The following AP3B2 variants were observed in gnomAD, a reference collection of about 807,000 sequenced individuals.
The protein encoded by AP3B2 is AP-3 complex subunit beta-2.
In AP3B2, 50 loss-of-function variants were observed where a neutral mutation model predicts 126.9. The ratio of observed to expected loss-of-function variants is 0.39; its 90% confidence interval spans 0.31 to 0.50. The LOEUF is 0.50. Among genes scored for constraint, AP3B2 ranks in the 20% least tolerant of loss-of-function variants. AP3B2 has a pLI of 0.79. For missense variants in AP3B2, 1,177 were observed against 1,426.4 expected (o/e 0.83, Z 2.82); for synonymous variants, 541 against 565.0 (o/e 0.96, Z 0.60).
rs1300395907 is a variant in AP3B2, at chr15:82,676,587, C to A, written c.1539G>T (p.Glu513Asp). The change falls in exon 14 of 27, where the codon GAG (glutamate) becomes GAT (aspartate). Residue 513 changes from glutamate to aspartate, a missense_variant. Around this residue, in one of 5 missense-constraint regions of AP3B2, gnomAD observed 308 missense variants for 452.4 expected, o/e 0.68. Transcript: ENST00000535359. ...SILWLIGEYC[E>D]HVPRIAPDVL... The stretch of plus-strand genomic sequence containing the variant: ...CATCAGGTGCAATCCTGGGGACATG[C>A]TCACAGTACTCTCCGATGAGCCACA... 1 of 1,613,866 alleles carries A rather than the reference C, an allele frequency of 6.2e-7. No individual in the cohort carries two copies. The highest frequency in any genetic ancestry group is 1.3e-5 in the African/African-American group (1 of 74,896).
chr15:82,681,192 C>G lies in AP3B2; in HGVS notation c.522-14G>C. On this transcript the variant is annotated splice_polypyrimidine_tract_variant and intron_variant, in intron 5 of 26. Transcript: ENST00000535359. The surrounding 1 kb of genome is among the most constrained non-coding windows in gnomAD (Gnocchi z 4.0). ...TCAGAGTCCAAACTGAGGGAGAAAT[C>G]GGTGAGGGGAATTTGCCACTCTCAG... The G allele has an allele frequency of 6.2e-7, 1 of 1,607,020 alleles. No individual in the cohort carries two copies. Among genetic ancestry groups the G allele is most frequent in the Non-Finnish European group, 8.5e-7 (1 of 1,176,790 alleles).
chr15:82,675,135 TCCCTCTAACTTCTCTCTCTCC>T (rs1024179360), intron 14 of AP3B2, among the ~76,000 whole-genome samples: 13 of 152,268 alleles, frequency 8.5e-5, no homozygotes, highest in African/African-American at 3.1e-4. Flanking sequence ...GTGCTCTTTC[TCCCTCTAACTTCTCTCTCTCC>T]CCCTCTAACT....
At position 82,680,999 on chromosome 15, in the gene AP3B2, C is replaced by G. The variant is rs754927794; in HGVS notation, c.609G>C (p.Val203=). ...DKTTLVAGSV[V]MAFEEVCPER... is the part of the protein sequence containing the mutation. ...CCGGGCAGACCTCCTCAAAGGCCAT[C>G]ACCACACTGCCCGCCACCAGCTGGG... is the stretch of plus-strand genomic sequence containing the variant. Residue 203 remains valine, a synonymous_variant, in exon 7 of 27, where the codon GTG becomes GTC. Transcript: ENST00000535359. The surrounding 1 kb of genome is among the most constrained non-coding windows in gnomAD (Gnocchi z 6.1). 1.9e-6 allele frequency: 3 copies of G among 1,613,886 alleles called. No homozygotes were observed. Among genetic ancestry groups the G allele is most frequent in the Non-Finnish European group, 2.5e-6 (3 of 1,179,890 alleles).
intron 14 of AP3B2, among the ~76,000 whole-genome samples, chr15:82,672,496 A>G (rs781036929): frequency 6.6e-6 from 1 of 152,140 alleles, no homozygotes; most frequent in Non-Finnish European, 1.5e-5. Context: ...GGGATAGTTA[A>G]TGGGTACAAA....
Position 82,680,808 on chromosome 15 carries a change from C to T in AP3B2, c.771+29G>A. 6.2e-7 allele frequency: 1 copy of T among 1,611,444 alleles called. No individual in the cohort carries two copies. Among genetic ancestry groups the T allele is most frequent in the Non-Finnish European group, 8.5e-7 (1 of 1,178,718 alleles). ...GGCGCCTCCCCGGGACACACTTCGGCCCGCTCTGCCTGGGCTGGGCCCACT... is the reference window on the plus strand; with the variant it reads ...GGCGCCTCCCCGGGACACACTTCGGTCCGCTCTGCCTGGGCTGGGCCCACT... On this transcript the variant is annotated intron_variant, in intron 7 of 26. Coordinates refer to ENST00000535359, the MANE Select transcript of AP3B2 (RefSeq NM_001278512.2). The surrounding 1 kb of genome is among the most constrained non-coding windows in gnomAD (Gnocchi z 6.1).
At position 82,680,877 on chromosome 15, in the gene AP3B2, G is replaced by T; in HGVS notation, c.731C>A (p.Thr244Asn). Residue 244 changes from threonine (T) to asparagine (N), a missense_variant, in exon 7 of 27, where the codon ACC becomes AAC. Around this residue, in one of 5 missense-constraint regions of AP3B2, gnomAD observed 103 missense variants for 101.4 expected, o/e 1.02. Coordinates refer to ENST00000535359, the MANE Select transcript of AP3B2 (RefSeq NM_001278512.2). This position sits in a 1 kb window ranked among gnomAD's most constrained non-coding sequence, Gnocchi z 6.1. ...CAGGAACTGCGTGCGGGCGTAGCGG[G>T]TGAGCATGCTGATGATGACCACCTG... Reference protein sequence around the residue: ...WGQVVIISMLTRYARTQFLSP... With the variant: ...WGQVVIISMLNRYARTQFLSP... The T allele has an allele frequency of 6.2e-7, 1 of 1,613,878 alleles. No individual in the cohort carries two copies. Among genetic ancestry groups the T allele is most frequent in the African/African-American group, 1.3e-5 (1 of 75,022 alleles).
Position 82,681,608 on chromosome 15 carries a change from T to C in AP3B2, c.361-28A>G, listed in dbSNP as rs555526647. ...AAAGGCAGAGGTGGAGGCAGAGCTA[T>C]GAAAGGGCACCAGGTGCCCTGATGG... is the stretch of plus-strand genomic sequence containing the variant. On this transcript the variant is annotated intron_variant, in intron 4 of 26. Transcript: ENST00000535359. This position sits in a 1 kb window ranked among gnomAD's most constrained non-coding sequence, Gnocchi z 4.0. 6.2e-7 allele frequency: 1 copy of C among 1,606,382 alleles called. No homozygotes were observed. The highest frequency in any genetic ancestry group is 1.3e-5 in the African/African-American group (1 of 74,998).
chr15:82,693,902 T>C (rs889964705), intron 1 of AP3B2, among the ~76,000 whole-genome samples: 1 of 152,084 alleles, frequency 6.6e-6, no homozygotes. Context: ...GGTTTCTCCA[T>C]GTTGGTCAGG....
chr15:82,666,029 T>G (rs1019379916), intron 15 of AP3B2, among the ~76,000 whole-genome samples: 8 of 152,192 alleles, frequency 5.3e-5, no homozygotes, highest in African/African-American at 1.9e-4. Flanking sequence ...TGTTGCCTTC[T>G]TCCTGGGAGA....
chr15:82,667,537 G>A (rs982369300), intron 14 of AP3B2, among the ~76,000 whole-genome samples: 1 of 152,196 alleles, frequency 6.6e-6, no homozygotes, highest in African/African-American at 2.4e-5. Context: ...GGTCATGTAG[G>A]GTTCACAGTC....
chr15:82,681,121 G>C lies in AP3B2; in HGVS notation c.579C>G (p.Asp193Glu). ...GCCCCTATACACGCACCGTGGTCTT[G>C]TCAGCCAGAAGCTTCTCAATGACTT... Reference protein sequence around the residue: ...LIEVIEKLLADKTTLVAGSVV... With the variant: ...LIEVIEKLLAEKTTLVAGSVV... Residue 193 changes from aspartate (D) to glutamate (E), a missense_variant, in exon 6 of 27, where the codon GAC (aspartate) becomes GAG (glutamate). Physicochemically the swap from Asp to Glu is conservative, Grantham distance 45. This residue lies in a region of AP3B2 where 130 missense variants were observed against 262.0 expected (regional missense o/e 0.50). Transcript: ENST00000535359. This position sits in a 1 kb window ranked among gnomAD's most constrained non-coding sequence, Gnocchi z 4.0. 1 of 1,613,492 alleles carries C rather than the reference G, an allele frequency of 6.2e-7. No individual in the cohort carries two copies. The highest frequency in any genetic ancestry group is 8.5e-7 in the Non-Finnish European group (1 of 1,179,708).
chr15:82,676,881 G>A (rs896186669), intron 13 of AP3B2, among the ~76,000 whole-genome samples: 1 of 152,204 alleles, frequency 6.6e-6, no homozygotes, highest in Non-Finnish European at 1.5e-5. Flanking sequence ...AGTCAGTCAT[G>A]ATGTAAAAGA....
In AP3B2 at chr15:82,662,731, C is replaced by T. The variant is rs2047974210; in HGVS notation, c.2796G>A (p.Leu932=). 2 of 1,613,684 alleles carry T rather than the reference C, an allele frequency of 1.2e-6. No individual in the cohort carries two copies. Among genetic ancestry groups the T allele is most frequent in the African/African-American group, 1.3e-5 (1 of 74,926 alleles). ...IKGLHVGTPK[L]PAGISIQEFP... Reference sequence around the variant, plus strand: ...ATTCTTGGATGCTGATGCCAGCAGGCAGTTTGGGAGTGCCCACATGCAGGC... The same window carrying T: ...ATTCTTGGATGCTGATGCCAGCAGGTAGTTTGGGAGTGCCCACATGCAGGC... Residue 932 remains leucine, a synonymous_variant, in exon 23 of 27, where the codon CTG becomes CTA. Coordinates refer to ENST00000535359, the MANE Select transcript of AP3B2 (RefSeq NM_001278512.2).
Position 82,681,207 on chromosome 15 carries a change from G to A in AP3B2, c.522-29C>T. 1 of 1,595,802 alleles carries A rather than the reference G, an allele frequency of 6.3e-7. No individual in the cohort carries two copies. Among genetic ancestry groups the A allele is most frequent in the Non-Finnish European group, 8.5e-7 (1 of 1,171,026 alleles). ...AGGGAGAAATCGGTGAGGGGAATTT[G>A]CCACTCTCAGCCCCAGCCTTCCCAA... On this transcript the variant is annotated intron_variant, in intron 5 of 26. Transcript: ENST00000535359. The surrounding 1 kb of genome is among the most constrained non-coding windows in gnomAD (Gnocchi z 4.0).
intron 1 of AP3B2, chr15:82,699,778 G>A: frequency 2.5e-6 from 1 of 399,296 alleles, no homozygotes; most frequent in East Asian, 3.6e-5. Context: ...CCCACCTTCG[G>A]GAGCCAGCAC....
chr15:82,679,341 C>T (rs1008680246), intron 10 of AP3B2, among the ~76,000 whole-genome samples: 2 of 152,164 alleles, frequency 1.3e-5, no homozygotes, highest in Admixed American at 6.5e-5. Flanking sequence ...CCAGGCTGGT[C>T]TTGAACTCCT....
chr15:82,679,645 C>T (rs1410297059), intron 10 of AP3B2, 84 bp downstream of exon 10: 2 of 1,302,990 alleles, frequency 1.5e-6, no homozygotes, highest in African/African-American at 1.5e-5. Flanking sequence ...TAGGCAGGCA[C>T]CAGGGGGGCC....
At chr15:82,670,830 G>A (rs1450757416) in intron 14 of AP3B2, among the ~76,000 whole-genome samples, 1 of 151,844 alleles carries the variant, frequency 6.6e-6, no homozygotes, top group East Asian at 1.9e-4. Flanking sequence ...AATACGTAAG[G>A]AGATCAAATA....
At chr15:82,703,329 A>C (rs2048749313) in intron 1 of AP3B2, among the ~76,000 whole-genome samples, 2 of 142,690 alleles carry the variant, frequency 1.4e-5, no homozygotes. Context: ...AGCACCCCCG[A>C]CTCCTTCTCT....
Sources: allele counts gnomAD v4.1 joint callset (sites outside exome capture counted in the v4.1 genomes callset), GRCh38; gene constraint gnomAD v4.1.1; regional missense constraint gnomAD v4.1.1; non-coding constraint Gnocchi (gnomAD v3.1); transcripts MANE v1.5; gene names NCBI Gene and HGNC (gene_info 2026-07-23, HGNC 2026-07-21).